Variants in FMN2 observed in about 807,000 individuals in gnomAD.
The protein encoded by FMN2 is formin 2, also known as formin-2.
In FMN2, 51 loss-of-function variants were observed where a neutral mutation model predicts 142.3. The observed-to-expected ratio is 0.36, with a 90% CI of 0.29 to 0.45. The LOEUF (loss-of-function observed/expected upper bound fraction) is 0.45, where lower values mean the gene tolerates loss of function less well. Among genes scored for constraint, FMN2 ranks in the 20% least tolerant of loss-of-function variants. The probability of loss-of-function intolerance (pLI) is 1.00; values close to 1 mark genes in which losing one functional copy is unlikely to be tolerated. For synonymous variants in FMN2, 882 were observed against 869.8 expected (o/e 1.01, Z -0.25); for missense variants, 1,936 against 2,122.8 (o/e 0.91, Z 1.73).
intron 6 of FMN2, among the ~76,000 whole-genome samples, chr1:240,220,869 C>A (rs533878931): frequency 1.3e-5 from 2 of 151,198 alleles, no homozygotes; most frequent in Non-Finnish European, 3.0e-5. Context: ...CTCCTCCAGC[C>A]CCCCCACCCC....
intron 15 of FMN2, among the ~76,000 whole-genome samples, chr1:240,395,095 G>A (rs1673731186): frequency 6.6e-6 from 1 of 152,168 alleles, no homozygotes; most frequent in South Asian, 2.1e-4. Context: ...TTCTGAAAAT[G>A]CTAGGGCCCA....
chr1:240,387,838 G>A (rs2103090660), intron 14 of FMN2, among the ~76,000 whole-genome samples: 1 of 152,250 alleles, frequency 6.6e-6, no homozygotes, highest in Non-Finnish European at 1.5e-5. Flanking sequence ...AAGACAGGAA[G>A]AGGATGACTA....
intron 6 of FMN2, among the ~76,000 whole-genome samples, chr1:240,246,015 C>G (rs1180442522): frequency 1.3e-5 from 2 of 151,906 alleles, no homozygotes; most frequent in African/African-American, 4.8e-5. Context: ...CCTGTCTCTA[C>G]TAAAAATACA....
Position 240,154,687 on chromosome 1 carries a change from A to G in FMN2, c.1783-23234A>G, listed in dbSNP as rs994863802. On this transcript the variant is annotated intron_variant, in intron 2 of 17. Transcript: ENST00000319653. ...CAAGTGTAGTAGTGAGAAGAAGGAA[A>G]GAGTAGAACAAGGAATTTGATCTGT... 5.3e-4 allele frequency: 81 copies of G among 152,244 alleles called. 1 individual carries two copies. Among genetic ancestry groups the G allele is most frequent in the Admixed American group, 5.1e-3 (78 of 15,276 alleles). 9.4% of individuals were successfully genotyped at this position (152,244 alleles called of 1,614,324 possible).
chr1:240,207,108 C>T lies in FMN2; in HGVS notation c.2296C>T (p.Arg766Cys), dbSNP rs746784234. 1.2e-5 allele frequency: 19 copies of T among 1,613,976 alleles called. No individual in the cohort carries two copies. The highest frequency in any genetic ancestry group is 3.3e-4 in the Middle Eastern group (2 of 6,082). ...GCCTCCTGTGGATGGGCTGCCAGGG[C>T]GTCCTCCATGCCCCCCTGGGGCTGA... ...TLPPVDGLPG[R>C]PPCPPGAESG... Residue 766 changes from arginine to cysteine, a missense_variant, in exon 5 of 18, where the codon CGT becomes TGT. By Grantham distance (180) the Arg-to-Cys change is radical. Coordinates refer to ENST00000319653, the MANE Select transcript of FMN2 (RefSeq NM_020066.5).
At chr1:240,213,863 T>C (rs1666785850) in intron 6 of FMN2, among the ~76,000 whole-genome samples, 1 of 152,244 alleles carries the variant, frequency 6.6e-6, no homozygotes, top group Admixed American at 6.5e-5. Flanking sequence ...TTTACCGTCA[T>C]GGCAGAGACG....
chr1:240,223,375 A>G lies in FMN2; in HGVS notation c.4065+12140A>G, dbSNP rs181676502. Among the ~76,000 whole-genome samples the G allele has an allele frequency of 7.3e-3, 1,118 of 152,242 alleles. 5 individuals carry two copies. Among genetic ancestry groups the G allele is most frequent in the Non-Finnish European group, 0.013 (886 of 68,024 alleles). ...GATAAGCTTTTTGATTTGCTGCTGGATTCGGTTTGCCATTATTTTATTGAG... is the reference window on the plus strand; with the variant it reads ...GATAAGCTTTTTGATTTGCTGCTGGGTTCGGTTTGCCATTATTTTATTGAG... On this transcript the variant is annotated intron_variant, in intron 6 of 17. Coordinates refer to ENST00000319653, the MANE Select transcript of FMN2 (RefSeq NM_020066.5).
At chr1:240,336,089 G>A (rs1167072776) in intron 13 of FMN2, among the ~76,000 whole-genome samples, 1 of 152,146 alleles carries the variant, frequency 6.6e-6, no homozygotes, top group African/African-American at 2.4e-5. Context: ...GTTGCAGTGA[G>A]CCAAGATTGT....
intron 14 of FMN2, among the ~76,000 whole-genome samples, chr1:240,390,805 G>C (rs947839414): frequency 2.6e-5 from 4 of 152,146 alleles, no homozygotes; most frequent in South Asian, 2.1e-4. Flanking sequence ...TTCTACTGTG[G>C]TGTGTTTTTA....
At chr1:240,377,148 C>G (rs1673074914) in intron 14 of FMN2, among the ~76,000 whole-genome samples, 1 of 152,142 alleles carries the variant, frequency 6.6e-6, no homozygotes, top group Non-Finnish European at 1.5e-5. Context: ...ATAGATCCAG[C>G]TTTTCATTAG....
At chr1:240,210,160 A>G (rs1666634771) in intron 5 of FMN2, among the ~76,000 whole-genome samples, 2 of 152,186 alleles carry the variant, frequency 1.3e-5, no homozygotes, top group Admixed American at 1.3e-4. Flanking sequence ...GTGGTACTTT[A>G]TACATTTATG....
At chr1:240,121,083 C>T (rs1196492291) in intron 1 of FMN2, among the ~76,000 whole-genome samples, 1 of 152,108 alleles carries the variant, frequency 6.6e-6, no homozygotes, top group Non-Finnish European at 1.5e-5. Context: ...ATCGCTTGAA[C>T]CCGGGAGGCG....
At chr1:240,214,203 ATTAGAATTGT>A (rs1666798354) in intron 6 of FMN2, among the ~76,000 whole-genome samples, 1 of 152,180 alleles carries the variant, frequency 6.6e-6, no homozygotes. Flanking sequence ...ACACTTTGAC[ATTAGAATTGT>A]CTGATGTAGA....
At chr1:240,274,009 C>G (rs1485202856) in intron 7 of FMN2, among the ~76,000 whole-genome samples, 2 of 152,068 alleles carry the variant, frequency 1.3e-5, no homozygotes, top group East Asian at 1.9e-4. Flanking sequence ...ACATTAACAT[C>G]AGGGAGGCCA....
At chr1:240,407,611 T>A (rs935653139) in intron 15 of FMN2, among the ~76,000 whole-genome samples, 5 of 152,210 alleles carry the variant, frequency 3.3e-5, no homozygotes, top group Non-Finnish European at 7.3e-5. Flanking sequence ...TGTGATCACA[T>A]GATATTTTAC....
At chr1:240,098,096 A>ATTTTTTTTTTTTTTTTTTT (rs1558293621) in intron 1 of FMN2, among the ~76,000 whole-genome samples, 2 of 81,190 alleles carry the variant, frequency 2.5e-5, no homozygotes, top group African/African-American at 1.4e-4. Flanking sequence ...GGTTATCTTG[A>ATTTTTTTTTTTTTTTTTTT]ATTTTTTTTT....
At chr1:240,116,546 G>A (rs944159411) in intron 1 of FMN2, among the ~76,000 whole-genome samples, 1 of 119,722 alleles carries the variant, frequency 8.4e-6, no homozygotes, top group African/African-American at 2.6e-5. Context: ...TTAAGGAGTA[G>A]GAGTAAATCA....
intron 6 of FMN2, among the ~76,000 whole-genome samples, chr1:240,219,814 C>G (rs575600976): frequency 6.6e-6 from 1 of 152,072 alleles, no homozygotes; most frequent in South Asian, 2.1e-4. Flanking sequence ...GCCACCGAGC[C>G]TGGCTAACTT....
At chr1:240,134,326 A>T (rs1662853168) in intron 2 of FMN2, among the ~76,000 whole-genome samples, 1 of 152,188 alleles carries the variant, frequency 6.6e-6, no homozygotes, top group Non-Finnish European at 1.5e-5. Context: ...GATAATCTTG[A>T]AAACACTTGG....
Sources: allele counts gnomAD v4.1 joint callset (sites outside exome capture counted in the v4.1 genomes callset), GRCh38; gene constraint gnomAD v4.1.1; transcripts MANE v1.5; gene names NCBI Gene and HGNC (gene_info 2026-07-23, HGNC 2026-07-21).